The following STK39 variants were observed in gnomAD, a reference collection of about 807,000 sequenced individuals.
STK39 encodes the protein STE20/SPS1-related proline-alanine-rich protein kinase.
Under a neutral mutation model 77.8 loss-of-function variants are expected in STK39, and 20 were observed. The ratio of observed to expected loss-of-function variants is 0.26; its 90% CI spans 0.18 to 0.37. STK39 has a LOEUF of 0.37. Ranked by LOEUF, STK39 falls within the 10% of genes least tolerant of loss-of-function variation. STK39 has a pLI of 1.00. For synonymous variants in STK39, 246 were observed against 234.1 expected (o/e 1.05, Z -0.47); for missense variants, 479 against 656.5 (o/e 0.73, Z 2.95).
At chr2:168,246,941 G>T (rs1361899094) in intron 1 of STK39, among the ~76,000 whole-genome samples, 1 of 151,840 alleles carries the variant, frequency 6.6e-6, no homozygotes, top group Non-Finnish European at 1.5e-5. Flanking sequence ...CCGCTCCACC[G>T]CCCCGGCGAT....
intron 1 of STK39, among the ~76,000 whole-genome samples, chr2:168,184,941 A>T (rs753786989): frequency 9.2e-5 from 14 of 152,198 alleles, no homozygotes; most frequent in Admixed American, 1.3e-4. Context: ...ATAATTCTAA[A>T]GGACATTTAG....
At chr2:168,200,572 G>C (rs1223395292) in intron 1 of STK39, among the ~76,000 whole-genome samples, 1 of 152,118 alleles carries the variant, frequency 6.6e-6, no homozygotes, top group African/African-American at 2.4e-5. Flanking sequence ...AGCTACTTGG[G>C]AGGCTGAGGC....
At chr2:168,025,978 A>G (rs959438986) in intron 14 of STK39, among the ~76,000 whole-genome samples, 1 of 152,180 alleles carries the variant, frequency 6.6e-6, no homozygotes, top group Admixed American at 6.5e-5. Flanking sequence ...CCTCTCCAAC[A>G]TTCGGTTTCC....
chr2:168,167,336 T>C lies in STK39; in HGVS notation c.393A>G (p.Lys131=). ...ATTTCATGACCAGCCAAAGTTCATC[T>C]TTGACCACAAAAGAGGTGTAATAGG... is the stretch of plus-strand genomic sequence containing the variant. The part of the protein sequence containing the change: ...VVTYYTSFVV[K]DELWLVMKLL... Residue 131 remains lysine (K), a synonymous_variant, in exon 3 of 18, where the codon AAA becomes AAG. Transcript: ENST00000355999. The C allele has an allele frequency of 6.2e-7, 1 of 1,613,826 alleles. No homozygotes were observed. Among genetic ancestry groups the C allele is most frequent in the Non-Finnish European group, 8.5e-7 (1 of 1,179,798 alleles).
At chr2:168,237,778 T>G (rs561096048) in intron 1 of STK39, among the ~76,000 whole-genome samples, 10 of 152,132 alleles carry the variant, frequency 6.6e-5, no homozygotes, top group Non-Finnish European at 1.0e-4. Flanking sequence ...TTTGGTCTCT[T>G]CTAAAATTAA....
chr2:168,233,238 A>G (rs1413868265), intron 1 of STK39, among the ~76,000 whole-genome samples: 1 of 152,190 alleles, frequency 6.6e-6, no homozygotes, highest in Non-Finnish European at 1.5e-5. Flanking sequence ...TGTTTCCACA[A>G]CAACTTGTGT....
chr2:168,121,344 T>C (rs1422463454), intron 10 of STK39, among the ~76,000 whole-genome samples: 1 of 152,208 alleles, frequency 6.6e-6, no homozygotes, highest in Non-Finnish European at 1.5e-5. Context: ...TAAATGAAAG[T>C]GATCTGAAAG....
At chr2:167,994,382 C>T (rs907588806) in intron 16 of STK39, among the ~76,000 whole-genome samples, 29 of 152,132 alleles carry the variant, frequency 1.9e-4, no homozygotes, top group Admixed American at 1.7e-3. Flanking sequence ...ATATACAATG[C>T]TACAATGCAA....
chr2:168,001,300 C>T (rs1352356882), intron 16 of STK39, among the ~76,000 whole-genome samples: 1 of 144,496 alleles, frequency 6.9e-6, no homozygotes, highest in Admixed American at 6.8e-5. Flanking sequence ...AACAAAGGAA[C>T]AAAATTGGGC....
chr2:168,177,333 T>G (rs67253814), intron 2 of STK39, among the ~76,000 whole-genome samples: 15,629 of 152,134 alleles, frequency 0.1, 1,570 homozygotes, highest in East Asian at 0.31. Flanking sequence ...AACTGTAAAT[T>G]TTGATGGCAT....
intron 10 of STK39, among the ~76,000 whole-genome samples, chr2:168,098,448 G>A (rs1173182616): frequency 6.6e-6 from 1 of 152,184 alleles, no homozygotes; most frequent in East Asian, 1.9e-4. Context: ...CTGCCTCCCA[G>A]ATGCTGAACG....
At chr2:168,055,220 G>A (rs1486238621) in intron 14 of STK39, among the ~76,000 whole-genome samples, 1 of 152,186 alleles carries the variant, frequency 6.6e-6, no homozygotes, top group East Asian at 1.9e-4. Context: ...CTATTTTATA[G>A]GCTAGAGAAC....
intron 1 of STK39, among the ~76,000 whole-genome samples, chr2:168,185,857 T>G (rs1442882782): frequency 2.6e-5 from 4 of 152,188 alleles, no homozygotes. Context: ...ATCCCTGCCA[T>G]GTAGCAGGCA....
chr2:168,190,106 C>T (rs149551873), intron 1 of STK39, among the ~76,000 whole-genome samples: 1,651 of 152,264 alleles, frequency 0.011, 12 homozygotes, highest in Non-Finnish European at 0.014. Flanking sequence ...GCTTGTGGAG[C>T]GGTCTCCTCC....
chr2:168,192,157 T>A (rs1689355599), intron 1 of STK39, among the ~76,000 whole-genome samples: 1 of 152,138 alleles, frequency 6.6e-6, no homozygotes, highest in Non-Finnish European at 1.5e-5. Flanking sequence ...ATGAAGCGTG[T>A]CCCTTCTCCC....
chr2:168,097,910 T>G (rs1411007647), intron 10 of STK39, among the ~76,000 whole-genome samples: 1 of 152,224 alleles, frequency 6.6e-6, no homozygotes, highest in Non-Finnish European at 1.5e-5. Flanking sequence ...ATACTTCCTG[T>G]GTGCTTTTAA....
intron 1 of STK39, among the ~76,000 whole-genome samples, chr2:168,221,923 TAG>T (rs1190078655): frequency 6.6e-6 from 1 of 152,162 alleles, no homozygotes; most frequent in Non-Finnish European, 1.5e-5. Flanking sequence ...TTCTAAAGAA[TAG>T]ACTCTCCACT....
chr2:168,043,779 G>A (rs1259089648), intron 14 of STK39, among the ~76,000 whole-genome samples: 1 of 152,146 alleles, frequency 6.6e-6, no homozygotes, highest in Non-Finnish European at 1.5e-5. Flanking sequence ...TTCTGACTTC[G>A]TACTTGCAGC....
intron 10 of STK39, among the ~76,000 whole-genome samples, chr2:168,097,312 C>G (rs985614404): frequency 1.3e-5 from 2 of 152,174 alleles, no homozygotes; most frequent in Non-Finnish European, 2.9e-5. Context: ...ATTGCCACAC[C>G]TTTTCATGGA....
Sources: gnomAD v4.1 joint callset for allele counts (sites outside exome capture counted in the v4.1 genomes callset) on GRCh38, gnomAD v4.1.1 for gene constraint, MANE v1.5 for transcripts, NCBI Gene and HGNC (gene_info 2026-07-23, HGNC 2026-07-21) for gene names.